Variants in PIAS1 observed in about 807,000 individuals in gnomAD.
PIAS1 encodes protein inhibitor of activated STAT 1.
Under a neutral mutation model 71.3 loss-of-function variants are expected in PIAS1, and 6 were observed. The ratio of observed to expected loss-of-function variants is 0.08; its 90% confidence interval spans 0.05 to 0.17. The LOEUF is 0.17. Ranked by LOEUF, PIAS1 falls within the 10% of genes least tolerant of loss-of-function variation. The pLI, the probability that PIAS1 is intolerant of heterozygous loss-of-function variation, is 1.00. For synonymous variants in PIAS1, 303 were observed against 292.9 expected, an observed-to-expected ratio of 1.03 and a Z score of -0.35; for missense variants, 555 against 793.6, an observed-to-expected ratio of 0.70 and a Z score of 3.61.
intron 2 of PIAS1, among the ~76,000 whole-genome samples, chr15:68,125,494 A>G (rs756991686): frequency 2.0e-5 from 3 of 152,178 alleles, no homozygotes; most frequent in Non-Finnish European, 2.9e-5. Context: ...AGTAGTTCAT[A>G]GGAAAAAGCT....
intron 2 of PIAS1, among the ~76,000 whole-genome samples, chr15:68,132,744 CCG>C (rs1234158862): frequency 2.0e-5 from 3 of 151,992 alleles, no homozygotes; most frequent in Admixed American, 2.0e-4. Context: ...AGAACAAAAA[CCG>C]AAATTATGTA....
At chr15:68,127,583 A>G (rs1487147934) in intron 2 of PIAS1, among the ~76,000 whole-genome samples, 5 of 151,736 alleles carry the variant, frequency 3.3e-5, no homozygotes, top group Admixed American at 2.6e-4. Flanking sequence ...TTGCCCTCCT[A>G]TTTCTTTCTC....
intron 11 of PIAS1, among the ~76,000 whole-genome samples, chr15:68,177,278 C>CAAAAAAAAAAAAAA (rs3083984): frequency 2.0e-4 from 18 of 90,868 alleles, no homozygotes; most frequent in South Asian, 9.5e-4. Context: ...GACTTTGTCT[C>CAAAAAAAAAAAAAA]AAAAAAAAAA....
chr15:68,072,447 G>A (rs993305547), intron 1 of PIAS1, among the ~76,000 whole-genome samples: 5 of 149,810 alleles, frequency 3.3e-5, no homozygotes, highest in South Asian at 4.3e-4. Flanking sequence ...GGAAGTTGGG[G>A]CCAGATTGTT....
At chr15:68,081,859 A>C (rs186343255) in intron 1 of PIAS1, among the ~76,000 whole-genome samples, 2 of 152,050 alleles carry the variant, frequency 1.3e-5, no homozygotes. Flanking sequence ...TGAAGGGGAC[A>C]TACATCTCTA....
chr15:68,087,572 T>C (rs2092294817), intron 2 of PIAS1, among the ~76,000 whole-genome samples: 1 of 151,992 alleles, frequency 6.6e-6, no homozygotes, highest in East Asian at 1.9e-4. Flanking sequence ...AGCTAAGAAA[T>C]CTGAAAAATA....
intron 2 of PIAS1, among the ~76,000 whole-genome samples, chr15:68,120,672 T>G (rs775126933): frequency 3.3e-5 from 5 of 152,162 alleles, no homozygotes; most frequent in Non-Finnish European, 5.9e-5. Context: ...TGTTGTTGTT[T>G]GAAACAGAGT....
Position 68,156,933 on chromosome 15 carries a change from T to C in PIAS1, c.934+3238T>C, listed in dbSNP as rs142766735. ...GGCAAGGCTAATGCAGTGAGGCCAG[T>C]TGAGAACCTGTTTGTAATAGTATAC... On this transcript the variant is annotated intron_variant, in intron 7 of 13. Transcript: ENST00000249636. 6.1e-3 allele frequency among the ~76,000 whole-genome samples: 924 copies of C among 152,240 alleles called. 4 individuals are homozygous for C. Among genetic ancestry groups the C allele is most frequent in the East Asian group, 0.032 (167 of 5,180 alleles).
At position 68,174,134 on chromosome 15, in the gene PIAS1, G is replaced by A. The variant is rs1031181278; in HGVS notation, c.1169+242G>A. On this transcript the variant is annotated intron_variant, in intron 9 of 13. Transcript: ENST00000249636. The surrounding 1 kb of genome is among the most constrained non-coding windows in gnomAD (Gnocchi z 4.0). The stretch of plus-strand genomic sequence containing the variant: ...CTGTCAGTGCCTCCTGGCATTTGTC[G>A]TTGAAAGCACTGGTGCTTTTAAGCA... Among the ~76,000 whole-genome samples the A allele has an allele frequency of 4.6e-5, 7 of 152,180 alleles. No homozygotes were observed. The South Asian group carries it at 6.2e-4, about 13-fold the overall frequency.
chr15:68,163,710 C>T (rs1431846083), intron 7 of PIAS1, among the ~76,000 whole-genome samples: 3 of 152,168 alleles, frequency 2.0e-5, no homozygotes, highest in Non-Finnish European at 4.4e-5. Context: ...GTACTTCTCC[C>T]TCTCTTCGTT....
At chr15:68,176,436 C>T (rs1427373169) in intron 10 of PIAS1, 38 bp from the exon 11 acceptor site, 4 of 1,385,322 alleles carry the variant, frequency 2.9e-6, no homozygotes, top group Non-Finnish European at 3.9e-6. Context: ...GATGTCATAG[C>T]TCTTCCCTTG....
In PIAS1 at chr15:68,185,746, G is replaced by C. The variant is rs1211844053; in HGVS notation, c.1663-1796G>C. ...TGGGAGGCCAAAGCGGGTAGATCAT[G>C]AGGTCAGGAGTTCGAGACCAGCCTG... On this transcript the variant is annotated intron_variant, in intron 13 of 13. Transcript: ENST00000249636. This position sits in a 1 kb window ranked among gnomAD's most constrained non-coding sequence, Gnocchi z 4.4. Among the ~76,000 whole-genome samples, 2 of 152,064 alleles carry C rather than the reference G, an allele frequency of 1.3e-5. No individual in the cohort carries two copies. The highest frequency in any genetic ancestry group is 4.8e-5 in the African/African-American group (2 of 41,400).
At chr15:68,144,132 AAAAAG>A (rs1413701384) in intron 4 of PIAS1, among the ~76,000 whole-genome samples, 2 of 151,820 alleles carry the variant, frequency 1.3e-5, no homozygotes, top group African/African-American at 4.8e-5. Flanking sequence ...AAAAAAAAAA[AAAAAG>A]AACCATGTTG....
Position 68,142,047 on chromosome 15 carries a change from T to C in PIAS1, c.554+17T>C. ...TAGTTCCATGTAAGTTGTCGTCAAG[T>C]GTAACTTGAAGTTTGACCTTTGAAT... is the stretch of plus-strand genomic sequence containing the variant. On this transcript the variant is annotated intron_variant, in intron 3 of 13. Transcript: ENST00000249636. The C allele has an allele frequency of 6.4e-7, 1 of 1,554,276 alleles. No individual in the cohort carries two copies. The highest frequency in any genetic ancestry group is 2.3e-5 in the East Asian group (1 of 43,864).
chr15:68,123,569 C>A (rs1315641095), intron 2 of PIAS1, among the ~76,000 whole-genome samples: 1 of 151,762 alleles, frequency 6.6e-6, no homozygotes, highest in Non-Finnish European at 1.5e-5. Context: ...CTAAAAAGTG[C>A]CTTATATATA....
In PIAS1 at chr15:68,054,575, ATTG is replaced by A. The variant is rs1441063960; in HGVS notation, c.24+230_24+232del. 2.4e-5 allele frequency: 10 copies of A among 414,552 alleles called. No individual in the cohort carries two copies. The highest frequency in any genetic ancestry group is 3.9e-5 in the Non-Finnish European group (9 of 231,136). The allele number at this position is 414,552 out of a possible 1,614,324, so 25.7% of individuals were successfully genotyped here. A position where few individuals can be genotyped will look rare whatever the true frequency, so the allele number is the denominator to read the frequency against. ...GCTGACGGGTCGTCCCCGGCGTGTT[ATTG>A]TTGTGGGCGCCTCTGGCGGGGGTGG... On this transcript the variant is annotated intron_variant, in intron 1 of 13. Transcript: ENST00000249636. This position sits in a 1 kb window ranked among gnomAD's most constrained non-coding sequence, Gnocchi z 4.6.
At chr15:68,077,525 T>G (rs2092180662) in intron 1 of PIAS1, among the ~76,000 whole-genome samples, 1 of 152,210 alleles carries the variant, frequency 6.6e-6, no homozygotes, top group African/African-American at 2.4e-5. Flanking sequence ...TTCCTAGAGC[T>G]TTTCGCTAAT....
At chr15:68,107,915 A>G (rs772585625) in intron 2 of PIAS1, among the ~76,000 whole-genome samples, 1 of 152,198 alleles carries the variant, frequency 6.6e-6, no homozygotes, top group Non-Finnish European at 1.5e-5. Flanking sequence ...CTAGAATTAG[A>G]GTATAGCCAG....
At position 68,173,104 on chromosome 15, in the gene PIAS1, G is replaced by A. The variant is rs1363899617; in HGVS notation, c.1009-628G>A. ...TGATAGCAAATATCAATGCATCTCT[G>A]TATTGTGCAGTATTTAATAGGGCAT... On this transcript the variant is annotated intron_variant, in intron 8 of 13. Coordinates refer to ENST00000249636, the MANE Select transcript of PIAS1 (RefSeq NM_016166.3). The surrounding 1 kb of genome is among the most constrained non-coding windows in gnomAD (Gnocchi z 4.3). Among the ~76,000 whole-genome samples, 5 of 152,190 alleles carry A rather than the reference G, an allele frequency of 3.3e-5. No individual in the cohort carries two copies. The highest frequency in any genetic ancestry group is 7.4e-5 in the Non-Finnish European group (5 of 68,024).
Sources: allele counts gnomAD v4.1 joint callset (sites outside exome capture counted in the v4.1 genomes callset), GRCh38; gene constraint gnomAD v4.1.1; non-coding constraint Gnocchi (gnomAD v3.1); transcripts MANE v1.5; gene names NCBI Gene and HGNC (gene_info 2026-07-23, HGNC 2026-07-21).